NRK: variants seen among roughly 807,000 people sequenced by gnomAD.
NRK encodes the protein Nik related kinase.
A neutral mutation model predicts 125.2 loss-of-function variants in NRK; 67 were observed. The ratio of observed to expected loss-of-function variants is 0.54; its 90% CI spans 0.44 to 0.66. The LOEUF is 0.66. Among genes scored for constraint, NRK ranks in the 30% least tolerant of loss-of-function variants. The pLI is 0.00. For missense variants in NRK, 1,224 were observed against 1,192.9 expected, an observed-to-expected ratio of 1.03 and a Z score of -0.38; for synonymous variants, 458 against 429.0, an observed-to-expected ratio of 1.07 and a Z score of -0.84.
intron 23 of NRK, among the ~76,000 whole-genome samples, chrX:105,943,353 C>T (rs1362372925): frequency 1.8e-5 from 2 of 111,954 alleles, no homozygotes; most frequent in Admixed American, 1.9e-4. Context: ...TATTTGCCAA[C>T]TCCCAATTTT....
At position 105,908,913 on chromosome X, in the gene NRK, T is replaced by C; in HGVS notation, c.1272T>C (p.Ser424=). 1.7e-6 allele frequency: 2 copies of C among 1,210,167 alleles called. No homozygotes were observed. The highest frequency in any genetic ancestry group is 2.2e-6 in the Non-Finnish European group (2 of 894,613). The change falls in exon 13 of 29, where the codon AGT becomes AGC. Residue 424 remains serine (S), a synonymous_variant. Transcript: ENST00000243300. ...TCATGCCACTGCAGGCTCTGGACAG[T>C]GCACCTAAGCCTCTAAAGGGGCAGG... The part of the protein sequence containing the change: ...RVFMPLQALD[S]APKPLKGQAQ...
In NRK at chrX:105,923,195, C is replaced by G; in HGVS notation, c.2688C>G (p.Leu896=). Residue 896 remains leucine, a synonymous_variant, in exon 18 of 29, where the codon CTC becomes CTG. Coordinates refer to ENST00000243300, the MANE Select transcript of NRK (RefSeq NM_198465.4). The stretch of plus-strand genomic sequence containing the variant: ...ACGAATGGGTAGGCTATAATGCACT[C>G]TCTGAAATCTTCCGGAATGATTGGT... The part of the protein sequence containing the change: ...LTNEWVGYNA[L]SEIFRNDWLT... 2 of 1,207,466 alleles carry G rather than the reference C, an allele frequency of 1.7e-6. No homozygotes were observed.
intron 2 of NRK, among the ~76,000 whole-genome samples, chrX:105,853,759 G>A (rs986688737): frequency 3.2e-4 from 36 of 112,078 alleles, no homozygotes; most frequent in Middle Eastern, 4.6e-3. Flanking sequence ...AAAATATACT[G>A]TAAACTATGA....
chrX:105,938,493 A>G (rs2040694197), intron 22 of NRK, among the ~76,000 whole-genome samples: 1 of 111,805 alleles, frequency 8.9e-6, no homozygotes, highest in Non-Finnish European at 1.9e-5. Context: ...TTAGTTGCTT[A>G]TAATTGTTTA....
At chrX:105,943,778 T>C (rs188438283) in intron 23 of NRK, among the ~76,000 whole-genome samples, 163 bp from the exon 24 acceptor site, 58 of 112,454 alleles carry the variant, frequency 5.2e-4, no homozygotes, top group African/African-American at 1.7e-3. Flanking sequence ...ACAGTAATTT[T>C]GTTACCTTTT....
chrX:105,904,077 A>T (rs767774208), intron 9 of NRK, among the ~76,000 whole-genome samples: 1 of 111,826 alleles, frequency 8.9e-6, no homozygotes, highest in African/African-American at 3.2e-5. Flanking sequence ...ACTACTATGA[A>T]AGGCCAGTTT....
chrX:105,872,918 T>G (rs2147697061), intron 2 of NRK, among the ~76,000 whole-genome samples: 1 of 110,996 alleles, frequency 9.0e-6, no homozygotes, highest in Admixed American at 9.6e-5. Flanking sequence ...AGGTGCTGTT[T>G]ACAATCGCAT....
chrX:105,850,825 C>T (rs1056810961), intron 2 of NRK, among the ~76,000 whole-genome samples: 26 of 112,157 alleles, frequency 2.3e-4, no homozygotes, highest in African/African-American at 8.4e-4. Flanking sequence ...TTGGGAAAAG[C>T]CATTCAGCAA....
At position 105,830,191 on chromosome X, in the gene NRK, A is replaced by C. The variant is rs1181431897; in HGVS notation, c.58-863A>C. ...ACCCCGTCTCTGCTAAAAATACAAAATAAGCTCAGCTACTCGGGAGGCTGA... is the reference window on the plus strand; with the variant it reads ...ACCCCGTCTCTGCTAAAAATACAAACTAAGCTCAGCTACTCGGGAGGCTGA... On this transcript the variant is annotated intron_variant, in intron 1 of 28. Transcript: ENST00000243300. Among the ~76,000 whole-genome samples, 6 of 106,998 alleles carry C rather than the reference A, an allele frequency of 5.6e-5. 1 individual carries two copies. The highest frequency in any genetic ancestry group is 1.2e-4 in the Non-Finnish European group (6 of 51,922). 92.9% of individuals were successfully genotyped at this position (106,998 alleles called of 115,157 possible).
In NRK at chrX:105,947,400, G is replaced by A. The variant is rs1454093244; in HGVS notation, c.4353+936G>A. ...GGAGCTTGCAGTGAGCCGAGATCCC[G>A]CCACTGCACTCCAGCCTGGGCGACA... On this transcript the variant is annotated intron_variant, in intron 26 of 28. Coordinates refer to ENST00000243300, the MANE Select transcript of NRK (RefSeq NM_198465.4). Among the ~76,000 whole-genome samples the A allele has an allele frequency of 7.4e-4, 33 of 44,436 alleles. 2 individuals carry two copies. Among genetic ancestry groups the A allele is most frequent in the Non-Finnish European group, 1.0e-3 (31 of 29,602 alleles). The allele number at this position is 44,436 out of a possible 115,157, so 38.6% of individuals were successfully genotyped here.
intron 19 of NRK, among the ~76,000 whole-genome samples, chrX:105,934,006 T>G (rs2040628803): frequency 2.7e-5 from 3 of 111,621 alleles, no homozygotes; most frequent in African/African-American, 9.8e-5. Context: ...ATTCCACAAA[T>G]GTTAGGTCTC....
intron 19 of NRK, among the ~76,000 whole-genome samples, chrX:105,932,331 T>C (rs1047037218): frequency 1.2e-4 from 13 of 111,689 alleles, no homozygotes; most frequent in Admixed American, 7.6e-4. Context: ...TTTCAGGTTT[T>C]TGGGGGGTAT....
intron 27 of NRK, among the ~76,000 whole-genome samples, chrX:105,950,533 T>A (rs1256574039): frequency 2.0e-5 from 1 of 49,189 alleles, no homozygotes; most frequent in Non-Finnish European, 4.0e-5. Flanking sequence ...CAGCAGTGTG[T>A]GTGTGTGTGT....
At chrX:105,921,730 G>A (rs780451984) in intron 16 of NRK, among the ~76,000 whole-genome samples, 2 of 109,046 alleles carry the variant, frequency 1.8e-5, no homozygotes, top group Non-Finnish European at 3.8e-5. Context: ...AAACAGAGCA[G>A]CCATGTAAGT....
At chrX:105,913,896 T>C (rs946929050) in intron 14 of NRK, among the ~76,000 whole-genome samples, 1 of 111,118 alleles carries the variant, frequency 9.0e-6, no homozygotes, top group African/African-American at 3.3e-5. Context: ...CTAGTGTCCA[T>C]TTTGACTTCT....
Position 105,876,830 on chromosome X carries a change from A to G in NRK, c.124-3369A>G, listed in dbSNP as rs917102408. ...GACAAGTCCTTCAGCTAAGATCGCA[A>G]AACAGCTTCTGTATAATCAATGAAC... On this transcript the variant is annotated intron_variant, in intron 2 of 28. Transcript: ENST00000243300. Among the ~76,000 whole-genome samples, 3 of 111,510 alleles carry G rather than the reference A, an allele frequency of 2.7e-5. No individual in the cohort carries two copies. The Admixed American group carries it at 2.9e-4, about 11-fold the overall frequency.
In NRK at chrX:105,894,068, A is replaced by G. The variant is rs756547579; in HGVS notation, c.489+126A>G. ...CCAAACATAACCTGTGCATCAGGAT[A>G]TCTGAAAAGGCCAAAAAGCTTTTGA... On this transcript the variant is annotated intron_variant, in intron 6 of 28. Transcript: ENST00000243300. 5.3e-5 allele frequency: 22 copies of G among 411,312 alleles called. No individual in the cohort carries two copies. In the East Asian group the frequency reaches 8.7e-4, roughly 16 times the overall value. 33.9% of individuals were successfully genotyped at this position (411,312 alleles called of 1,213,427 possible). A position where few individuals can be genotyped will look rare whatever the true frequency, so the allele number is the denominator to read the frequency against.
intron 2 of NRK, among the ~76,000 whole-genome samples, chrX:105,847,587 T>C (rs2039418884): frequency 8.9e-6 from 1 of 112,107 alleles, no homozygotes; most frequent in Admixed American, 9.5e-5. Context: ...CTACACAGTT[T>C]CAAAAGGGAA....
intron 1 of NRK, among the ~76,000 whole-genome samples, chrX:105,825,403 T>G (rs1234792793): frequency 8.9e-6 from 1 of 112,086 alleles, no homozygotes; most frequent in Non-Finnish European, 1.9e-5. Context: ...GAGGGAAGAT[T>G]CAAACATTGG....
Sources: allele counts gnomAD v4.1 joint callset (sites outside exome capture counted in the v4.1 genomes callset), GRCh38; gene constraint gnomAD v4.1.1; transcripts MANE v1.5; gene names NCBI Gene and HGNC (gene_info 2026-07-23, HGNC 2026-07-21).